Variants in PCDH15 observed in about 807,000 individuals in gnomAD.
The protein encoded by PCDH15 is protocadherin related 15.
Under a neutral mutation model 178.5 loss-of-function variants are expected in PCDH15, and 129 were observed. The ratio of observed to expected loss-of-function variants is 0.72; its 90% confidence interval spans 0.63 to 0.84. The LOEUF (loss-of-function observed/expected upper bound fraction) is 0.84. PCDH15 is among the 40% of genes least tolerant of loss of function. The probability of loss-of-function intolerance (pLI) is 0.00; values close to 1 mark genes in which losing one functional copy is unlikely to be tolerated. For synonymous variants in PCDH15, 800 were observed against 732.0 expected, an observed-to-expected ratio of 1.09 and a Z score of -1.50; for missense variants, 2,230 against 2,099.9, an observed-to-expected ratio of 1.06 and a Z score of -1.21.
chr10:55,051,571 A>C (rs183258219), intron 2 of PCDH15, among the ~76,000 whole-genome samples: 152 of 152,262 alleles, frequency 1.0e-3, no homozygotes, highest in African/African-American at 3.5e-3. Flanking sequence ...AGCACTTCTT[A>C]CCAGTTTCTA....
chr10:54,792,274 C>T (rs1276030556), intron 1 of PCDH15, among the ~76,000 whole-genome samples: 1 of 151,932 alleles, frequency 6.6e-6, no homozygotes, highest in African/African-American at 2.4e-5. Context: ...ATTGCACCAT[C>T]TCTACCCCAC....
chr10:53,947,572 T>C (rs986890591), intron 23 of PCDH15, among the ~76,000 whole-genome samples: 6 of 152,040 alleles, frequency 3.9e-5, no homozygotes, highest in Non-Finnish European at 7.4e-5. Context: ...AAACACCCAC[T>C]AGAACTCCGA....
chr10:54,365,475 C>T (rs944168700), intron 5 of PCDH15, among the ~76,000 whole-genome samples: 5 of 152,160 alleles, frequency 3.3e-5, no homozygotes, highest in South Asian at 4.2e-4. Context: ...AAAATTTTCT[C>T]TCAATGAAAA....
At chr10:54,340,397 T>G (rs1384463183) in intron 6 of PCDH15, among the ~76,000 whole-genome samples, 1 of 152,126 alleles carries the variant, frequency 6.6e-6, no homozygotes, top group Non-Finnish European at 1.5e-5. Flanking sequence ...AATACTTTTC[T>G]CCAGGCAAGA....
chr10:54,686,121 C>T (rs974399252), intron 1 of PCDH15, among the ~76,000 whole-genome samples: 1 of 142,670 alleles, frequency 7.0e-6, no homozygotes, highest in Admixed American at 7.5e-5. Context: ...CTCCTGACCT[C>T]GTGATCAGCC....
At chr10:54,575,156 G>T (rs1173765447) in intron 2 of PCDH15, 6 of 122,472 alleles carry the variant, frequency 4.9e-5, no homozygotes, top group South Asian at 3.3e-4. Flanking sequence ...GTTGTGGGGT[G>T]GGGGGAGGGG....
At chr10:55,543,925 T>A (rs1044647799) in intron 2 of PCDH15, among the ~76,000 whole-genome samples, 1 of 151,284 alleles carries the variant, frequency 6.6e-6, no homozygotes, top group Non-Finnish European at 1.5e-5. Flanking sequence ...TATTTGCATG[T>A]AAGGATTAGT....
intron 2 of PCDH15, among the ~76,000 whole-genome samples, chr10:55,563,091 C>A (rs1842231990): frequency 6.6e-6 from 1 of 151,884 alleles, no homozygotes; most frequent in Admixed American, 6.6e-5. Context: ...GCAAAAACTA[C>A]CATGAGCAAA....
chr10:54,379,047 T>G (rs1948850644), intron 3 of PCDH15, 105 bp from the exon 4 acceptor site: 6 of 1,236,476 alleles, frequency 4.9e-6, no homozygotes, highest in Non-Finnish European at 7.1e-6. Flanking sequence ...GTTTTAAAGC[T>G]GAAAATACTC....
intron 25 of PCDH15, among the ~76,000 whole-genome samples, chr10:53,921,668 G>T (rs1589430290): frequency 6.6e-6 from 1 of 152,092 alleles, no homozygotes; most frequent in Non-Finnish European, 1.5e-5. Flanking sequence ...AAAAGGAATT[G>T]CTACTTGAGT....
intron 20 of PCDH15, among the ~76,000 whole-genome samples, chr10:54,012,800 A>G (rs539660847): frequency 7.9e-5 from 12 of 152,292 alleles, no homozygotes; most frequent in African/African-American, 1.9e-4. Flanking sequence ...AAGGAGTGCT[A>G]CATGTGAACA....
At chr10:55,596,911 A>G (rs563152904) in intron 2 of PCDH15, among the ~76,000 whole-genome samples, 4 of 152,302 alleles carry the variant, frequency 2.6e-5, no homozygotes, top group Non-Finnish European at 4.4e-5. Flanking sequence ...AAAAATAGAT[A>G]AACAGGATTA....
chr10:54,296,494 C>T (rs1445013655), intron 8 of PCDH15, among the ~76,000 whole-genome samples: 1 of 152,128 alleles, frequency 6.6e-6, no homozygotes, highest in African/African-American at 2.4e-5. Flanking sequence ...CCTCTTGCCT[C>T]TCTTCTCTGA....
intron 2 of PCDH15, among the ~76,000 whole-genome samples, chr10:55,096,016 A>G (rs964845180): frequency 1.3e-5 from 2 of 152,122 alleles, no homozygotes; most frequent in Non-Finnish European, 2.9e-5. Flanking sequence ...CTGAAAATCA[A>G]TGTGTGTTGG....
intron 2 of PCDH15, among the ~76,000 whole-genome samples, chr10:54,991,477 T>C (rs1203532092): frequency 6.6e-6 from 1 of 152,138 alleles, no homozygotes; most frequent in Non-Finnish European, 1.5e-5. Context: ...GACATAAACT[T>C]GAAACTGAAA....
chr10:54,657,218 A>G (rs1462416184), intron 2 of PCDH15, among the ~76,000 whole-genome samples: 3 of 152,236 alleles, frequency 2.0e-5, no homozygotes, highest in Non-Finnish European at 4.4e-5. Flanking sequence ...ACTGAAGGTC[A>G]TGAGCAAAAT....
intron 13 of PCDH15, among the ~76,000 whole-genome samples, chr10:54,167,880 T>C (rs545571056): frequency 6.8e-6 from 1 of 147,672 alleles, no homozygotes; most frequent in East Asian, 2.0e-4. Context: ...CCATCCCTTA[T>C]TTCTGTGCCC....
intron 2 of PCDH15, among the ~76,000 whole-genome samples, chr10:55,461,887 A>C (rs1236042202): frequency 6.6e-6 from 1 of 152,086 alleles, no homozygotes; most frequent in Non-Finnish European, 1.5e-5. Context: ...CATCTGGTTG[A>C]AATTACTGTT....
chr10:55,328,122 T>C (rs573814442), intron 2 of PCDH15, among the ~76,000 whole-genome samples: 7 of 152,108 alleles, frequency 4.6e-5, no homozygotes, highest in African/African-American at 1.7e-4. Flanking sequence ...CTTTCCCTTA[T>C]ATGAGAAACA....
Sources: gnomAD v4.1 joint callset for allele counts (sites outside exome capture counted in the v4.1 genomes callset) on GRCh38, gnomAD v4.1.1 for gene constraint, MANE v1.5 for transcripts, NCBI Gene and HGNC (gene_info 2026-07-23, HGNC 2026-07-21) for gene names.